The following DENND2A variants were observed in gnomAD, a reference collection of about 807,000 sequenced individuals.
DENND2A encodes DENN domain-containing protein 2A.
In DENND2A, 53 loss-of-function variants were observed where a neutral mutation model predicts 105.3. That is an observed-to-expected ratio of 0.50 (90% CI 0.40 to 0.63). The LOEUF is 0.63. DENND2A is among the 30% of genes least tolerant of loss of function. DENND2A has a pLI of 0.00. For synonymous variants in DENND2A, 522 were observed against 508.4 expected (o/e 1.03, Z -0.36); for missense variants, 1,138 against 1,279.6 (o/e 0.89, Z 1.69).
At chr7:140,531,599 GGCT>G (rs1796266860) in intron 14 of DENND2A, among the ~76,000 whole-genome samples, 2 of 150,344 alleles carry the variant, frequency 1.3e-5, no homozygotes, top group African/African-American at 5.0e-5. Flanking sequence ...AGGAGTTCAA[GGCT>G]ATACTGACCA....
At chr7:140,563,934 G>C (rs1055833331) in intron 9 of DENND2A, among the ~76,000 whole-genome samples, 1 of 152,040 alleles carries the variant, frequency 6.6e-6, no homozygotes, top group Non-Finnish European at 1.5e-5. Context: ...AGCTGTGATC[G>C]TGCCACTCCA....
At chr7:140,532,010 C>G (rs923256500) in intron 14 of DENND2A, among the ~76,000 whole-genome samples, 1 of 151,886 alleles carries the variant, frequency 6.6e-6, no homozygotes, top group Non-Finnish European at 1.5e-5. Flanking sequence ...CTCCTGCAAT[C>G]CCAGCACTTT....
Position 140,602,154 on chromosome 7 carries a change from T to C in DENND2A, c.244A>G (p.Arg82Gly). 6.2e-7 allele frequency: 1 copy of C among 1,614,078 alleles called. No individual in the cohort carries two copies. Among genetic ancestry groups the C allele is most frequent in the Non-Finnish European group, 8.5e-7 (1 of 1,180,002 alleles). ...EDYLPSSTVE[R>G]RSSDGVRTQV... The stretch of plus-strand genomic sequence containing the variant: ...GTTCTCACCCCATCACTACTCCTCC[T>C]CTCCACCGTAGAGGACGGCAGATAA... Residue 82 changes from arginine to glycine, a missense_variant, in exon 3 of 20, where the codon AGG becomes GGG. Arg to Gly is a moderately radical substitution (Grantham distance 125). Transcript: ENST00000496613.
chr7:140,610,843 G>C (rs553494429), intron 1 of DENND2A, among the ~76,000 whole-genome samples: 1 of 152,256 alleles, frequency 6.6e-6, no homozygotes, highest in South Asian at 2.1e-4. Context: ...AGGAGGACCC[G>C]GCAGCTCCTT....
intron 1 of DENND2A, among the ~76,000 whole-genome samples, chr7:140,626,547 A>T (rs912734967): frequency 1.1e-4 from 17 of 152,162 alleles, no homozygotes; most frequent in Non-Finnish European, 2.2e-4. Context: ...CCCGTAGGTC[A>T]CGTTCGTTTG....
intron 2 of DENND2A, among the ~76,000 whole-genome samples, chr7:140,603,965 A>C (rs977743070): frequency 1.2e-4 from 18 of 152,250 alleles, no homozygotes; most frequent in Non-Finnish European, 4.4e-5. Flanking sequence ...CCATGAAGAT[A>C]TTAGAAATTA....
chr7:140,607,207 T>G (rs975571295), intron 1 of DENND2A, among the ~76,000 whole-genome samples: 1 of 152,168 alleles, frequency 6.6e-6, no homozygotes, highest in African/African-American at 2.4e-5. Flanking sequence ...GATGGCTGCC[T>G]GATGTCCTGG....
intron 5 of DENND2A, among the ~76,000 whole-genome samples, chr7:140,584,329 A>G (rs1798685456): frequency 6.6e-6 from 1 of 152,226 alleles, no homozygotes; most frequent in African/African-American, 2.4e-5. Flanking sequence ...TGACTGCCTC[A>G]CACTACAGTG....
At chr7:140,550,995 G>A (rs1234851175) in intron 12 of DENND2A, among the ~76,000 whole-genome samples, 2 of 151,660 alleles carry the variant, frequency 1.3e-5, no homozygotes, top group African/African-American at 4.8e-5. Flanking sequence ...TGCTTAGGGG[G>A]ACAGTAATGA....
chr7:140,549,879 C>G (rs1333093860), intron 12 of DENND2A, among the ~76,000 whole-genome samples: 1 of 152,038 alleles, frequency 6.6e-6, no homozygotes, highest in Admixed American at 6.6e-5. Context: ...GATAAATAAT[C>G]AATCAATGGA....
At chr7:140,573,701 G>C in intron 6 of DENND2A, 107 bp downstream of exon 6, 1 of 1,278,428 alleles carries the variant, frequency 7.8e-7, no homozygotes, top group Non-Finnish European at 1.1e-6. Context: ...AGCAACACAG[G>C]TGGGAGAGGG....
chr7:140,627,225 T>G (rs1302048817), intron 1 of DENND2A, among the ~76,000 whole-genome samples: 1 of 152,156 alleles, frequency 6.6e-6, no homozygotes, highest in Non-Finnish European at 1.5e-5. Flanking sequence ...TTAGTTTAGT[T>G]TTTTGAGATG....
At chr7:140,620,506 AC>A (rs1397340221) in intron 1 of DENND2A, among the ~76,000 whole-genome samples, 1 of 151,188 alleles carries the variant, frequency 6.6e-6, no homozygotes, top group African/African-American at 2.4e-5. Flanking sequence ...AACAACAACC[AC>A]CCCCCCACCA....
chr7:140,550,706 C>T (rs1797097815), intron 12 of DENND2A, among the ~76,000 whole-genome samples: 2 of 151,940 alleles, frequency 1.3e-5, no homozygotes, highest in Admixed American at 1.3e-4. Context: ...AGGTGATCCA[C>T]ACCTCGGCCT....
intron 11 of DENND2A, among the ~76,000 whole-genome samples, chr7:140,556,484 G>C (rs188704277): frequency 6.6e-6 from 1 of 151,498 alleles, no homozygotes; most frequent in Non-Finnish European, 1.5e-5. Flanking sequence ...GATTACAGGC[G>C]TGTGCCACCA....
At chr7:140,539,791 A>G (rs990189748) in intron 14 of DENND2A, among the ~76,000 whole-genome samples, 2 of 152,016 alleles carry the variant, frequency 1.3e-5, no homozygotes, top group African/African-American at 4.8e-5. Context: ...CGCGTTGTTT[A>G]CCCTCTTCCT....
chr7:140,638,288 T>C (rs988444472), intron 1 of DENND2A, among the ~76,000 whole-genome samples: 2 of 152,238 alleles, frequency 1.3e-5, no homozygotes, highest in African/African-American at 4.8e-5. Context: ...TGTTGTAATC[T>C]GCTAAATGCA....
intron 8 of DENND2A, 36 bp downstream of exon 8, chr7:140,568,727 C>T (rs1240603783): frequency 2.5e-6 from 4 of 1,611,132 alleles, no homozygotes; most frequent in Non-Finnish European, 3.4e-6. Flanking sequence ...TTCCAAGTCA[C>T]CTGCCTGAGT....
intron 5 of DENND2A, among the ~76,000 whole-genome samples, chr7:140,583,696 A>G (rs747401650): frequency 1.8e-4 from 27 of 150,354 alleles, no homozygotes; most frequent in Non-Finnish European, 2.6e-4. Flanking sequence ...TTGGGAGGCC[A>G]AGGCGGGCAG....
Sources: allele counts gnomAD v4.1 joint callset (sites outside exome capture counted in the v4.1 genomes callset), GRCh38; gene constraint gnomAD v4.1.1; transcripts MANE v1.5; gene names NCBI Gene and HGNC (gene_info 2026-07-23, HGNC 2026-07-21).